The following C2CD5 variants were observed in gnomAD, a reference collection of about 807,000 sequenced individuals.
C2CD5 encodes the protein C2 domain-containing protein 5.
Under a neutral mutation model 130.3 loss-of-function variants are expected in C2CD5, and 109 were observed. The observed-to-expected ratio is 0.84, with a 90% confidence interval of 0.72 to 0.98. The LOEUF is 0.98. Among genes scored for constraint, C2CD5 ranks in the 50% least tolerant of loss-of-function variants. C2CD5 has a pLI of 0.00. For synonymous variants in C2CD5, 454 were observed against 429.2 expected, an observed-to-expected ratio of 1.06 and a Z score of -0.71; for missense variants, 996 against 1,261.8, an observed-to-expected ratio of 0.79 and a Z score of 3.19.
intron 13 of C2CD5, among the ~76,000 whole-genome samples, chr12:22,483,616 T>C (rs1945042073): frequency 6.6e-6 from 1 of 152,010 alleles, no homozygotes; most frequent in African/African-American, 2.4e-5. Flanking sequence ...AAGCGTACAT[T>C]TAAGGCAAAA....
chr12:22,499,871 G>C (rs1379398917), intron 10 of C2CD5, among the ~76,000 whole-genome samples: 1 of 152,134 alleles, frequency 6.6e-6, no homozygotes, highest in Non-Finnish European at 1.5e-5. Context: ...CTAATATTGA[G>C]TTCCCTTCTT....
intron 14 of C2CD5, among the ~76,000 whole-genome samples, chr12:22,480,364 C>T (rs1265780364): frequency 1.3e-5 from 2 of 152,178 alleles, no homozygotes; most frequent in African/African-American, 2.4e-5. Flanking sequence ...CCAGACACCT[C>T]GTCGGCACTC....
rs534557067 is a variant in C2CD5 at position 22,534,445 on chromosome 12, T to C, written c.177+813A>G. Among the ~76,000 whole-genome samples, 14 of 152,258 alleles carry C rather than the reference T, an allele frequency of 9.2e-5. No individual in the cohort carries two copies. The East Asian group carries it at 2.1e-3, about 23-fold the overall frequency. ...ATCAAGAAAGTAAAAAGACAACCTATTGAATGAGTGAAAATATTTGCAAAT... is the reference window on the plus strand; with the variant it reads ...ATCAAGAAAGTAAAAAGACAACCTACTGAATGAGTGAAAATATTTGCAAAT... On this transcript the variant is annotated intron_variant, in intron 3 of 26. Coordinates refer to ENST00000446597, the MANE Select transcript of C2CD5 (RefSeq NM_001286176.2).
chr12:22,540,793 A>G (rs879618152), intron 2 of C2CD5, among the ~76,000 whole-genome samples: 1 of 152,196 alleles, frequency 6.6e-6, no homozygotes, highest in Middle Eastern at 3.2e-3. Flanking sequence ...CAGGTGACGG[A>G]AGTTGCAGTG....
intron 2 of C2CD5, among the ~76,000 whole-genome samples, chr12:22,538,642 A>G (rs1274788319): frequency 6.6e-6 from 1 of 152,212 alleles, no homozygotes; most frequent in Non-Finnish European, 1.5e-5. Flanking sequence ...CCCCTTTCCT[A>G]GCCAGATTTA....
chr12:22,461,940 C>A (rs1362454231), intron 22 of C2CD5, among the ~76,000 whole-genome samples: 1 of 150,086 alleles, frequency 6.7e-6, no homozygotes, highest in Non-Finnish European at 1.5e-5. Flanking sequence ...GCCAGCTGGT[C>A]CCAGCAGCAG....
chr12:22,454,114 C>G, intron 25 of C2CD5, 72 bp from the exon 26 acceptor site: 1 of 1,200,506 alleles, frequency 8.3e-7, no homozygotes, highest in Non-Finnish European at 1.2e-6. Context: ...CACAAAATGT[C>G]AAAGAATATA....
intron 10 of C2CD5, 143 bp downstream of exon 10, chr12:22,506,568 C>A (rs1948562020): frequency 1.8e-6 from 1 of 548,302 alleles, no homozygotes; most frequent in Non-Finnish European, 3.3e-6. Flanking sequence ...AAGATGACTA[C>A]AAATATATTA....
Position 22,471,435 on chromosome 12 carries a change from A to G in C2CD5, c.2322T>C (p.Asn774=). 1 of 1,599,212 alleles carries G rather than the reference A, an allele frequency of 6.3e-7. No individual in the cohort carries two copies. Among genetic ancestry groups the G allele is most frequent in the Non-Finnish European group, 8.6e-7 (1 of 1,167,350 alleles). ...SMIPCCLCHV[N]FTVSLPEDEL... Reference sequence around the variant, plus strand: ...CATCTTCAGGCAGAGATACTGTAAAATTTACATGGCAAAGGCAGCAGGGGA... The same window carrying G: ...CATCTTCAGGCAGAGATACTGTAAAGTTTACATGGCAAAGGCAGCAGGGGA... The change falls in exon 20 of 27, where the codon AAT becomes AAC. Residue 774 remains asparagine (N), a synonymous_variant. Transcript: ENST00000446597.
intron 26 of C2CD5, among the ~76,000 whole-genome samples, chr12:22,450,183 T>C (rs932396935): frequency 6.6e-6 from 1 of 151,874 alleles, no homozygotes; most frequent in East Asian, 1.9e-4. Flanking sequence ...AATGTAAAAG[T>C]TGGATGTTAC....
intron 3 of C2CD5, among the ~76,000 whole-genome samples, chr12:22,532,199 G>T (rs1001916983): frequency 2.6e-5 from 4 of 151,872 alleles, no homozygotes; most frequent in Admixed American, 1.3e-4. Flanking sequence ...GTGTGGTGGC[G>T]CATGACTGTA....
intron 26 of C2CD5, among the ~76,000 whole-genome samples, chr12:22,450,098 A>T (rs1480561721): frequency 6.6e-6 from 1 of 152,094 alleles, no homozygotes; most frequent in Non-Finnish European, 1.5e-5. Flanking sequence ...ACATATGAAA[A>T]CATATTCAAG....
rs1490508298 is a variant in C2CD5 at position 22,478,363 on chromosome 12, T to C, written c.1852A>G (p.Ile618Val). Residue 618 changes from isoleucine to valine, a missense_variant, in exon 15 of 27, where the codon ATA becomes GTA. This residue lies in a region of C2CD5 where 590 missense variants were observed against 631.4 expected (regional missense o/e 0.93). Transcript: ENST00000446597. ...TTGTTTTTAGCAATTGTGTCATTTA[T>C]CTTCTTCTGCATATGAGAGATGTGT... Reference protein sequence around the residue: ...EQHISHMQKKINDTIAKNKEL... With the variant: ...EQHISHMQKKVNDTIAKNKEL... 2.5e-6 allele frequency: 4 copies of C among 1,613,554 alleles called. No individual in the cohort carries two copies. The highest frequency in any genetic ancestry group is 3.4e-6 in the Non-Finnish European group (4 of 1,179,544).
At chr12:22,522,823 C>T (rs990080897) in intron 7 of C2CD5, among the ~76,000 whole-genome samples, 5 of 152,084 alleles carry the variant, frequency 3.3e-5, no homozygotes, top group Non-Finnish European at 7.4e-5. Flanking sequence ...AAATAAAATG[C>T]CACACAATGC....
chr12:22,457,568 A>G (rs1940181384), intron 24 of C2CD5, among the ~76,000 whole-genome samples: 1 of 152,158 alleles, frequency 6.6e-6, no homozygotes, highest in Admixed American at 6.6e-5. Context: ...CGACTTCATC[A>G]TTGTCAACTT....
At position 22,471,451 on chromosome 12, in the gene C2CD5, C is replaced by G; in HGVS notation, c.2306G>C (p.Cys769Ser). 6.3e-7 allele frequency: 1 copy of G among 1,599,474 alleles called. No individual in the cohort carries two copies. Among genetic ancestry groups the G allele is most frequent in the Non-Finnish European group, 8.6e-7 (1 of 1,167,888 alleles). The stretch of plus-strand genomic sequence containing the variant: ...TACTGTAAAATTTACATGGCAAAGG[C>G]AGCAGGGGATCATAGATCGTAGTTT... ...YFKLRSMIPCCLCHVNFTVSL... is the reference protein window; with the variant it reads ...YFKLRSMIPCSLCHVNFTVSL... Residue 769 changes from cysteine to serine, a missense_variant, in exon 20 of 27, where the codon TGC becomes TCC. Cys to Ser is a moderately radical substitution (Grantham distance 112). Coordinates refer to ENST00000446597, the MANE Select transcript of C2CD5 (RefSeq NM_001286176.2).
In C2CD5 at chr12:22,458,282, C is replaced by T. The variant is rs571528416; in HGVS notation, c.2686+202G>A. ...TGCACAAAAAGGAAAATTTTAAAAA[C>T]ACAATTCTATAGGTAAAACTAATAA... On this transcript the variant is annotated intron_variant, in intron 24 of 26. Transcript: ENST00000446597. Among the ~76,000 whole-genome samples, 8 of 152,164 alleles carry T rather than the reference C, an allele frequency of 5.3e-5. No individual in the cohort carries two copies. In the South Asian group the frequency reaches 1.7e-3, roughly 32 times the overall value.
chr12:22,473,966 A>C (rs932289108), intron 16 of C2CD5, among the ~76,000 whole-genome samples: 3 of 151,956 alleles, frequency 2.0e-5, no homozygotes, highest in African/African-American at 7.3e-5. Flanking sequence ...ACAAACTGAC[A>C]CTCTCACCTT....
At chr12:22,471,221 A>G (rs1942974180) in intron 20 of C2CD5, among the ~76,000 whole-genome samples, 178 bp downstream of exon 20, 1 of 152,094 alleles carries the variant, frequency 6.6e-6, no homozygotes, top group Non-Finnish European at 1.5e-5. Flanking sequence ...ACCCCCTCAG[A>G]TAACTAAAGT....
Sources: gnomAD v4.1 joint callset for allele counts (sites outside exome capture counted in the v4.1 genomes callset) on GRCh38, gnomAD v4.1.1 for gene constraint, gnomAD v4.1.1 regional missense constraint, MANE v1.5 for transcripts, NCBI Gene and HGNC (gene_info 2026-07-23, HGNC 2026-07-21) for gene names.